Variants in ZNF460 observed in about 807,000 individuals in gnomAD.
ZNF460 encodes the protein zinc finger protein 272.
In ZNF460, 1 loss-of-function variant was observed where a neutral mutation model predicts 8.4. The ratio of observed to expected loss-of-function variants is 0.12; its 90% CI spans 0.04 to 0.56. The LOEUF is 0.56. Among genes scored for constraint, ZNF460 ranks in the 20% least tolerant of loss-of-function variants. ZNF460 has a pLI of 0.91. For missense variants in ZNF460, 477 were observed against 714.8 expected (o/e 0.67, Z 3.79); for synonymous variants, 262 against 259.9 (o/e 1.01, Z -0.08).
Position 57,292,261 on chromosome 19 carries a change from C to T in ZNF460, c.*31C>T, listed in dbSNP as rs1463762877. On this transcript the variant is annotated 3_prime_UTR_variant, in exon 3 of 3. Coordinates refer to ENST00000360338, the MANE Select transcript of ZNF460 (RefSeq NM_006635.4). ...GTGGAAAGACTTTTTACGTACACTT[C>T]AGTCAACATCCAAGAATTCCTATTA... 6.4e-7 allele frequency: 1 copy of T among 1,560,744 alleles called. No homozygotes were observed. The highest frequency in any genetic ancestry group is 1.2e-5 in the South Asian group (1 of 85,806).
chr19:57,280,778 G>C lies in ZNF460; in HGVS notation c.-29G>C, dbSNP rs1016949377. ...GCCCCGCCCAGGACAGAGAAGGGCT[G>C]TGGTCGGCTGATCCGCGGCATTCCC... On this transcript the variant is annotated 5_prime_UTR_variant, in exon 1 of 3. Transcript: ENST00000360338. 1 of 1,613,688 alleles carries C rather than the reference G, an allele frequency of 6.2e-7. No homozygotes were observed. The highest frequency in any genetic ancestry group is 8.5e-7 in the Non-Finnish European group (1 of 1,179,868).
intron 2 of ZNF460, 121 bp from the exon 3 acceptor site, chr19:57,290,578 C>T: frequency 2.0e-6 from 2 of 1,009,330 alleles, no homozygotes; most frequent in South Asian, 3.4e-5. Context: ...GTACCCAGCC[C>T]ATCAAATCAT....
chr19:57,280,717 A>G lies in ZNF460; in HGVS notation c.-90A>G. The G allele has an allele frequency of 6.4e-7, 1 of 1,566,826 alleles. No individual in the cohort carries two copies. The highest frequency in any genetic ancestry group is 8.7e-7 in the Non-Finnish European group (1 of 1,151,598). ...CCTTGTGCGCATTTTTTTCGGGGGA[A>G]AACTGAGGCTCGGAGTGCGAAAGTC... On this transcript the variant is annotated 5_prime_UTR_variant, in exon 1 of 3. Coordinates refer to ENST00000360338, the MANE Select transcript of ZNF460 (RefSeq NM_006635.4).
In ZNF460 at chr19:57,291,046, A is replaced by G; in HGVS notation, c.505A>G (p.Asn169Asp). Residue 169 changes from asparagine to aspartate, a missense_variant, in exon 3 of 3, where the codon AAT becomes GAT. Around this residue, in one of 5 missense-constraint regions of ZNF460, gnomAD observed 169 missense variants for 178.6 expected, o/e 0.95. Coordinates refer to ENST00000360338, the MANE Select transcript of ZNF460 (RefSeq NM_006635.4). The surrounding 1 kb of genome is among the most constrained non-coding windows in gnomAD (Gnocchi z 8.4). ...VTDSLIHEGE[N>D]SYKFEEMFNE... ...AGATTCCTTGATTCATGAAGGGGAA[A>G]ATTCCTATAAATTCGAGGAAATGTT... The G allele has an allele frequency of 1.2e-6, 2 of 1,614,196 alleles. No homozygotes were observed. Among genetic ancestry groups the G allele is most frequent in the Non-Finnish European group, 1.7e-6 (2 of 1,180,032 alleles).
intron 2 of ZNF460, among the ~76,000 whole-genome samples, chr19:57,285,458 G>A (rs1946975325): frequency 6.6e-6 from 1 of 152,094 alleles, no homozygotes; most frequent in Non-Finnish European, 1.5e-5. Context: ...GCATATTTTT[G>A]TTGTCTCTCT....
chr19:57,280,511 G>C lies in ZNF460; in HGVS notation c.-296G>C. The C allele has an allele frequency of 2.0e-6, 1 of 497,706 alleles. No individual in the cohort carries two copies. Among genetic ancestry groups the C allele is most frequent in the Non-Finnish European group, 3.6e-6 (1 of 274,868 alleles). 30.8% of individuals were successfully genotyped at this position (497,706 alleles called of 1,614,324 possible). ...AAACAGTGTGGGGCCTAGAGCGCTG[G>C]GTGGGCGCGTTCTGCGGCCTGAGCA... is the stretch of plus-strand genomic sequence containing the variant. On this transcript the variant is annotated 5_prime_UTR_variant, in exon 1 of 3. Transcript: ENST00000360338.
chr19:57,284,903 G>A lies in ZNF460; in HGVS notation c.157+226G>A, dbSNP rs565192380. On this transcript the variant is annotated intron_variant, in intron 2 of 2. Coordinates refer to ENST00000360338, the MANE Select transcript of ZNF460 (RefSeq NM_006635.4). Reference sequence around the variant, plus strand: ...GTGACCTTGGCTCACCACAACCTCCGTCTCCCCGATTCAAGTGATTCTCCT... The same window carrying A: ...GTGACCTTGGCTCACCACAACCTCCATCTCCCCGATTCAAGTGATTCTCCT... Among the ~76,000 whole-genome samples the A allele has an allele frequency of 5.4e-5, 8 of 148,214 alleles. No homozygotes were observed. The East Asian group carries it at 1.4e-3, about 26-fold the overall frequency.
intron 2 of ZNF460, among the ~76,000 whole-genome samples, 169 bp downstream of exon 2, chr19:57,284,846 C>T (rs559799653): frequency 2.9e-5 from 4 of 137,212 alleles, no homozygotes; most frequent in South Asian, 2.3e-4. Flanking sequence ...GACAGAGTTT[C>T]GCTCTTGTTG....
At chr19:57,288,349 C>T (rs948797917) in intron 2 of ZNF460, among the ~76,000 whole-genome samples, 1 of 152,116 alleles carries the variant, frequency 6.6e-6, no homozygotes, top group African/African-American at 2.4e-5. Context: ...CATGCTACAA[C>T]GTCCGGCTAA....
At position 57,291,727 on chromosome 19, in the gene ZNF460, G is replaced by T. The variant is rs777360307; in HGVS notation, c.1186G>T (p.Glu396Ter). Residue 396 changes from glutamate to a stop codon, truncating the protein, a stop_gained, in exon 3 of 3, where the codon GAA becomes TAA. Coordinates refer to ENST00000360338, the MANE Select transcript of ZNF460 (RefSeq NM_006635.4). LOFTEE classifies it low-confidence loss of function (END_TRUNC). This position sits in a 1 kb window ranked among gnomAD's most constrained non-coding sequence, Gnocchi z 8.4. ...HTGEKPFECK[E>*]CGKAFSIRKD... is the part of the protein sequence containing the mutation. ...TGGAGAAAAGCCTTTTGAGTGCAAA[G>T]AATGTGGGAAAGCCTTTAGCATTCG... 6.2e-7 allele frequency: 1 copy of T among 1,614,168 alleles called. No homozygotes were observed. The highest frequency in any genetic ancestry group is 1.1e-5 in the South Asian group (1 of 91,088).
rs1317030188 is a variant in ZNF460, at chr19:57,291,823, G to T, written c.1282G>T (p.Ala428Ser). The T allele has an allele frequency of 1.9e-6, 3 of 1,613,974 alleles. No individual in the cohort carries two copies. In the African/African-American group the frequency reaches 4.0e-5, roughly 22 times the overall value. The change falls in exon 3 of 3, where the codon GCT becomes TCT. Residue 428 changes from alanine (A) to serine (S), a missense_variant. Coordinates refer to ENST00000360338, the MANE Select transcript of ZNF460 (RefSeq NM_006635.4). The surrounding 1 kb of genome is among the most constrained non-coding windows in gnomAD (Gnocchi z 8.4). Reference protein sequence around the residue: ...KPYECLQCGKAFTRMSGLTRH... With the variant: ...KPYECLQCGKSFTRMSGLTRH... The stretch of plus-strand genomic sequence containing the variant: ...CTATGAGTGTTTACAGTGTGGAAAG[G>T]CTTTTACCCGCATGTCAGGGCTCAC...
At chr19:57,287,140 G>A (rs1036240997) in intron 2 of ZNF460, among the ~76,000 whole-genome samples, 2 of 152,116 alleles carry the variant, frequency 1.3e-5, no homozygotes, top group African/African-American at 4.8e-5. Context: ...AGATTGGTTG[G>A]CTGTTGTTGA....
At position 57,291,149 on chromosome 19, in the gene ZNF460, A is replaced by G. The variant is rs1224376845; in HGVS notation, c.608A>G (p.Lys203Arg). Reference sequence around the variant, plus strand: ...CCCTATGATTGCCCAGAATGTGGGAAAGCCTTCGGCAAGAGCAAACACCTC... The same window carrying G: ...CCCTATGATTGCCCAGAATGTGGGAGAGCCTTCGGCAAGAGCAAACACCTC... ...VKPYDCPECG[K>R]AFGKSKHLLQ... The change falls in exon 3 of 3, where the codon AAA (lysine) becomes AGA (arginine). Residue 203 changes from lysine to arginine, a missense_variant. Physicochemically the swap from Lys to Arg is conservative, Grantham distance 26 (BLOSUM62 2). This residue lies in a region of ZNF460 where 193 missense variants were observed against 391.7 expected (regional missense o/e 0.49). Coordinates refer to ENST00000360338, the MANE Select transcript of ZNF460 (RefSeq NM_006635.4). The surrounding 1 kb of genome is among the most constrained non-coding windows in gnomAD (Gnocchi z 8.4). The G allele has an allele frequency of 3.1e-6, 5 of 1,614,242 alleles. No homozygotes were observed. The highest frequency in any genetic ancestry group is 3.4e-6 in the Non-Finnish European group (4 of 1,180,052).
Position 57,288,393 on chromosome 19 carries a change from T to C in ZNF460, c.158-2306T>C, listed in dbSNP as rs186861774. Among the ~76,000 whole-genome samples, 176 of 152,286 alleles carry C rather than the reference T, an allele frequency of 1.2e-3. 1 individual carries two copies. The highest frequency in any genetic ancestry group is 6.8e-3 in the Middle Eastern group (2 of 294). On this transcript the variant is annotated intron_variant, in intron 2 of 2. Transcript: ENST00000360338. ...TTTTTTTGTAGAGATGGGATATTGC[T>C]ATATTGCCCAGGCTACTCTTGAACT...
chr19:57,281,714 C>T (rs1036499580), intron 1 of ZNF460, among the ~76,000 whole-genome samples: 6 of 151,774 alleles, frequency 4.0e-5, no homozygotes, highest in Admixed American at 1.3e-4. Flanking sequence ...TACAGGTGTG[C>T]GCCACCACGC....
At chr19:57,290,649 T>G (rs1392190777) in intron 2 of ZNF460, 50 bp from the exon 3 acceptor site, 14 of 1,522,178 alleles carry the variant, frequency 9.2e-6, no homozygotes, top group Non-Finnish European at 1.2e-5. Flanking sequence ...GTGGTTTCAT[T>G]TCTTCTGTAC....
intron 1 of ZNF460, among the ~76,000 whole-genome samples, chr19:57,282,913 C>T (rs985746854): frequency 1.3e-5 from 2 of 151,662 alleles, no homozygotes; most frequent in African/African-American, 2.4e-5. Context: ...ATCACTAGAT[C>T]ACAGGAGGTC....
At chr19:57,284,133 C>T (rs2087861879) in intron 1 of ZNF460, among the ~76,000 whole-genome samples, 1 of 152,164 alleles carries the variant, frequency 6.6e-6, no homozygotes, top group African/African-American at 2.4e-5. Flanking sequence ...TCTCAGTCCA[C>T]TTGGGATTGT....
At chr19:57,283,502 C>CTTTTTTTTTTTTTTT (rs926242067) in intron 1 of ZNF460, among the ~76,000 whole-genome samples, 3 of 68,550 alleles carry the variant, frequency 4.4e-5, no homozygotes, top group African/African-American at 6.3e-5. Context: ...TTTGACTATT[C>CTTTTTTTTTTTTTTT]TTTTTTTTTT....
Sources: allele counts gnomAD v4.1 joint callset (sites outside exome capture counted in the v4.1 genomes callset), GRCh38; gene constraint gnomAD v4.1.1; regional missense constraint gnomAD v4.1.1; non-coding constraint Gnocchi (gnomAD v3.1); transcripts MANE v1.5; gene names NCBI Gene and HGNC (gene_info 2026-07-23, HGNC 2026-07-21).